The following LHFPL3 variants were observed in gnomAD, a reference collection of about 807,000 sequenced individuals.
The protein encoded by LHFPL3 is LHFPL tetraspan subfamily member 3, also known as LHFPL tetraspan subfamily member 3 protein.
Under a neutral mutation model 19.3 loss-of-function variants are expected in LHFPL3, and 5 were observed. The observed-to-expected ratio is 0.26, with a 90% confidence interval of 0.14 to 0.54. The LOEUF is 0.54. LHFPL3 is among the 20% of genes least tolerant of loss of function. The pLI, the probability that LHFPL3 is intolerant of heterozygous loss-of-function variation, is 0.94. For missense variants in LHFPL3, 249 were observed against 307.4 expected (o/e 0.81, Z 1.42); for synonymous variants, 133 against 126.2 (o/e 1.05, Z -0.36).
chr7:104,408,864 C>CTTTTTTTTTTTTTTT lies in LHFPL3; in HGVS notation c.445+79644_445+79658dup, dbSNP rs561975535. ...AGGCACTAGTGTTGTAATTTTCTTT[C>CTTTTTTTTTTTTTTT]TTTTTTTTTTTTTTTTTTGAGACGG... On this transcript the variant is annotated intron_variant, in intron 1 of 2. Transcript: ENST00000424859. 2.0e-3 allele frequency among the ~76,000 whole-genome samples: 212 copies of CTTTTTTTTTTTTTTT among 105,422 alleles called. 9 individuals carry two copies. Among genetic ancestry groups the CTTTTTTTTTTTTTTT allele is most frequent in the Non-Finnish European group, 2.3e-3 (128 of 54,774 alleles). The allele number at this position is 105,422 out of a possible 152,430, so 69.2% of individuals were successfully genotyped here.
At chr7:104,553,383 G>T (rs1038543110) in intron 1 of LHFPL3, among the ~76,000 whole-genome samples, 1 of 152,138 alleles carries the variant, frequency 6.6e-6, no homozygotes, top group Non-Finnish European at 1.5e-5. Context: ...TTAATAAAAA[G>T]TTATAAAGAG....
chr7:104,355,501 C>T (rs1790255729), intron 1 of LHFPL3, among the ~76,000 whole-genome samples: 1 of 152,190 alleles, frequency 6.6e-6, no homozygotes, highest in Admixed American at 6.5e-5. Flanking sequence ...TTAGCAATCA[C>T]ATTAGGACTT....
chr7:104,898,724 G>A (rs115172321), intron 2 of LHFPL3, among the ~76,000 whole-genome samples: 6,238 of 152,224 alleles, frequency 0.041, 417 homozygotes, highest in African/African-American at 0.14. Context: ...GGAGGCTGAG[G>A]TGGGAGAACT....
intron 1 of LHFPL3, among the ~76,000 whole-genome samples, chr7:104,645,627 C>T (rs895384943): frequency 1.4e-5 from 2 of 147,750 alleles, no homozygotes; most frequent in Non-Finnish European, 3.0e-5. Flanking sequence ...AGGCAACTCT[C>T]CTGACATATT....
At chr7:104,726,332 C>CT (rs1793591486) in intron 1 of LHFPL3, among the ~76,000 whole-genome samples, 1 of 140,226 alleles carries the variant, frequency 7.1e-6, no homozygotes, top group African/African-American at 2.7e-5. Flanking sequence ...GGACCAAAGA[C>CT]TATTTTTTTT....
At chr7:104,790,785 A>G (rs907940728) in intron 2 of LHFPL3, among the ~76,000 whole-genome samples, 82 of 152,324 alleles carry the variant, frequency 5.4e-4, no homozygotes, top group Non-Finnish European at 1.8e-4. Context: ...GGCAAGTCAC[A>G]TAACATTTTC....
intron 1 of LHFPL3, among the ~76,000 whole-genome samples, chr7:104,608,162 T>C (rs962590142): frequency 3.1e-4 from 47 of 152,128 alleles, no homozygotes; most frequent in African/African-American, 1.0e-3. Context: ...ACCCAAAGGA[T>C]TATAAATCAT....
intron 1 of LHFPL3, among the ~76,000 whole-genome samples, chr7:104,678,353 C>T (rs1792631903): frequency 6.6e-6 from 1 of 152,094 alleles, no homozygotes; most frequent in Admixed American, 6.6e-5. Context: ...CCAAACGTTG[C>T]TTTTTAAGTA....
At chr7:104,740,136 G>GATGTAT (rs1793905910) in intron 2 of LHFPL3, among the ~76,000 whole-genome samples, 1 of 152,146 alleles carries the variant, frequency 6.6e-6, no homozygotes, top group Non-Finnish European at 1.5e-5. Flanking sequence ...TGTGAAGAAG[G>GATGTAT]ATGTATTTGC....
At chr7:104,732,754 T>C (rs1401848104) in intron 1 of LHFPL3, among the ~76,000 whole-genome samples, 1 of 152,216 alleles carries the variant, frequency 6.6e-6, no homozygotes, top group Non-Finnish European at 1.5e-5. Flanking sequence ...AGTTATTTCT[T>C]GCTTTCTGCT....
intron 1 of LHFPL3, among the ~76,000 whole-genome samples, chr7:104,461,785 A>C (rs1792669235): frequency 6.6e-6 from 1 of 152,126 alleles, no homozygotes; most frequent in Non-Finnish European, 1.5e-5. Flanking sequence ...TAGTTCTGTG[A>C]AGAATGTCAT....
intron 1 of LHFPL3, among the ~76,000 whole-genome samples, chr7:104,394,136 T>C (rs757347876): frequency 3.3e-5 from 5 of 152,252 alleles, no homozygotes; most frequent in Non-Finnish European, 7.3e-5. Context: ...TTTAAAACTC[T>C]ACTTCAACAT....
chr7:104,474,058 T>C (rs1015829093), intron 1 of LHFPL3, among the ~76,000 whole-genome samples: 2 of 152,158 alleles, frequency 1.3e-5, no homozygotes, highest in African/African-American at 4.8e-5. Flanking sequence ...TCTCATGGAG[T>C]AGGAAAATGT....
chr7:104,396,281 C>G (rs747497712), intron 1 of LHFPL3, among the ~76,000 whole-genome samples: 1 of 152,066 alleles, frequency 6.6e-6, no homozygotes, highest in African/African-American at 2.4e-5. Context: ...GCTAAAGACT[C>G]GCTGCTACAG....
intron 1 of LHFPL3, among the ~76,000 whole-genome samples, chr7:104,343,131 C>T (rs1789990016): frequency 6.6e-6 from 1 of 151,874 alleles, no homozygotes; most frequent in Non-Finnish European, 1.5e-5. Context: ...TCTTCGTCTC[C>T]AAGTCTCATG....
At chr7:104,896,027 C>CT (rs1792351591) in intron 2 of LHFPL3, 1 of 152,220 alleles carries the variant, frequency 6.6e-6, no homozygotes, top group African/African-American at 2.4e-5. Flanking sequence ...CCTCAGATGG[C>CT]TTTTTCTTGG....
intron 1 of LHFPL3, among the ~76,000 whole-genome samples, chr7:104,611,139 C>T (rs1451574104): frequency 3.3e-5 from 5 of 152,172 alleles, no homozygotes; most frequent in African/African-American, 1.2e-4. Context: ...ATGTTGATGA[C>T]AAATCCTGGG....
chr7:104,373,044 C>T (rs1322579601), intron 1 of LHFPL3, among the ~76,000 whole-genome samples: 1 of 148,050 alleles, frequency 6.8e-6, no homozygotes, highest in Non-Finnish European at 1.5e-5. Flanking sequence ...TGAAATGCTG[C>T]ATGCACTATT....
chr7:104,531,912 T>G (rs922092163), intron 1 of LHFPL3, among the ~76,000 whole-genome samples: 2 of 152,068 alleles, frequency 1.3e-5, no homozygotes, highest in African/African-American at 4.8e-5. Context: ...CCCAGCCATG[T>G]CATCAGGATG....
Sources: gnomAD v4.1 joint callset for allele counts (sites outside exome capture counted in the v4.1 genomes callset) on GRCh38, gnomAD v4.1.1 for gene constraint, MANE v1.5 for transcripts, NCBI Gene and HGNC (gene_info 2026-07-23, HGNC 2026-07-21) for gene names.